Variants in GPC6 observed in about 807,000 individuals in gnomAD.
GPC6 encodes the protein glypican-6.
GPC6 carries 14 observed loss-of-function variants against 55.2 expected under a neutral mutation model. That is an observed-to-expected ratio of 0.25 (90% CI 0.17 to 0.40). The LOEUF (loss-of-function observed/expected upper bound fraction) is 0.40, where lower values mean the gene tolerates loss of function less well. Ranked by LOEUF, GPC6 falls within the 10% of genes least tolerant of loss-of-function variation. GPC6 has a pLI of 1.00. For synonymous variants in GPC6, 278 were observed against 259.6 expected, an observed-to-expected ratio of 1.07 and a Z score of -0.68; for missense variants, 641 against 708.5, an observed-to-expected ratio of 0.90 and a Z score of 1.08.
At chr13:94,030,066 G>A (rs1176864544) in intron 4 of GPC6, among the ~76,000 whole-genome samples, 2 of 149,724 alleles carry the variant, frequency 1.3e-5, no homozygotes, top group African/African-American at 4.9e-5. Flanking sequence ...GCGATGGCAC[G>A]ATCTCGGCTC....
chr13:93,729,046 A>G (rs988141059), intron 2 of GPC6, among the ~76,000 whole-genome samples: 2 of 152,206 alleles, frequency 1.3e-5, no homozygotes, highest in Non-Finnish European at 2.9e-5. Context: ...TATTAGTAGA[A>G]TAAAAATAAT....
intron 3 of GPC6, among the ~76,000 whole-genome samples, chr13:93,890,748 A>G (rs1478032212): frequency 9.5e-6 from 1 of 105,240 alleles, no homozygotes; most frequent in African/African-American, 3.7e-5. Context: ...AGAAAGTTAT[A>G]TTTTTCTGGG....
In GPC6 at chr13:93,925,640, C is replaced by G. The variant is rs150908875; in HGVS notation, c.711+95095C>G. On this transcript the variant is annotated intron_variant, in intron 3 of 8. Transcript: ENST00000377047. ...TGCTGTGTAACAAACTATCCCAAAACTTTGTGGCATAAGACAACAACCATA... is the reference window on the plus strand; with the variant it reads ...TGCTGTGTAACAAACTATCCCAAAAGTTTGTGGCATAAGACAACAACCATA... Among the ~76,000 whole-genome samples, 287 of 152,248 alleles carry G rather than the reference C, an allele frequency of 1.9e-3. 2 individuals carry two copies. The highest frequency in any genetic ancestry group is 0.015 in the Admixed American group (232 of 15,290).
chr13:93,551,036 A>G (rs1161007371), intron 2 of GPC6, among the ~76,000 whole-genome samples: 1 of 152,168 alleles, frequency 6.6e-6, no homozygotes, highest in Non-Finnish European at 1.5e-5. Context: ...TTTTCTATGT[A>G]GTGGCATCCA....
At chr13:94,256,322 T>A (rs1891502970) in intron 4 of GPC6, among the ~76,000 whole-genome samples, 1 of 151,966 alleles carries the variant, frequency 6.6e-6, no homozygotes, top group Non-Finnish European at 1.5e-5. Context: ...TTCTGAAAAA[T>A]GGGCTGGAGC....
At position 94,376,780 on chromosome 13, in the gene GPC6, C is replaced by G. The variant is rs1198968305; in HGVS notation, c.1153-5634C>G. Among the ~76,000 whole-genome samples, 3 of 152,194 alleles carry G rather than the reference C, an allele frequency of 2.0e-5. No homozygotes were observed. In the East Asian group the frequency reaches 5.8e-4, roughly 29 times the overall value. On this transcript the variant is annotated intron_variant, in intron 6 of 8. Transcript: ENST00000377047. ...CAAAAGAACAAAGCTGGAGACATCA[C>G]ACTACCTGACTTCAAACTATACTAC...
At chr13:94,231,527 G>A (rs1005774108) in intron 4 of GPC6, among the ~76,000 whole-genome samples, 10 of 152,080 alleles carry the variant, frequency 6.6e-5, no homozygotes, top group Non-Finnish European at 1.2e-4. Context: ...GATACAAAGG[G>A]CAACTTAAAA....
At chr13:93,225,488 T>G (rs1221411573), upstream of GPC6, among the ~76,000 whole-genome samples, 3 of 1,404 alleles carry the variant, frequency 2.1e-3, no homozygotes, top group Admixed American at 0.024. Context: ...GCTATGGAGT[T>G]TTTTTTTTTG....
chr13:93,314,435 A>T (rs1412284127), intron 1 of GPC6, among the ~76,000 whole-genome samples: 1 of 152,146 alleles, frequency 6.6e-6, no homozygotes, highest in South Asian at 2.1e-4. Flanking sequence ...TTAGGAACAG[A>T]TGACCAGGTT....
chr13:93,271,287 C>T (rs1052359969), intron 1 of GPC6, among the ~76,000 whole-genome samples: 9 of 152,270 alleles, frequency 5.9e-5, no homozygotes, highest in South Asian at 2.1e-4. Flanking sequence ...AACTCAACTA[C>T]GTTACAAAAC....
At chr13:94,374,632 G>A (rs1879748596) in intron 6 of GPC6, among the ~76,000 whole-genome samples, 1 of 151,106 alleles carries the variant, frequency 6.6e-6, no homozygotes. Flanking sequence ...ACACCCCACT[G>A]TCAACATTAG....
intron 2 of GPC6, among the ~76,000 whole-genome samples, chr13:93,549,983 G>A (rs1875052678): frequency 6.6e-6 from 1 of 152,076 alleles, no homozygotes; most frequent in Admixed American, 6.6e-5. Context: ...GGATACTGTT[G>A]AAAAATTATT....
At chr13:93,674,532 A>G (rs1209226332) in intron 2 of GPC6, among the ~76,000 whole-genome samples, 2 of 152,228 alleles carry the variant, frequency 1.3e-5, no homozygotes, top group African/African-American at 4.8e-5. Context: ...GGGACACTAA[A>G]TTGAAACCAT....
chr13:94,018,082 A>G (rs902442380), intron 3 of GPC6, among the ~76,000 whole-genome samples: 5 of 152,162 alleles, frequency 3.3e-5, no homozygotes, highest in Non-Finnish European at 7.4e-5. Context: ...TATCATGTTT[A>G]GAGAATTCCC....
Position 93,550,555 on chromosome 13 carries a change from G to A in GPC6, c.319+5134G>A, listed in dbSNP as rs1474182433. Among the ~76,000 whole-genome samples the A allele has an allele frequency of 2.0e-5, 3 of 152,136 alleles. No individual in the cohort carries two copies. In the East Asian group the frequency reaches 5.8e-4, roughly 29 times the overall value. Reference sequence around the variant, plus strand: ...CTGCAGACTACCCATTGAACTGGATGCAGAAATAATTTATATACAATGACA... The same window carrying A: ...CTGCAGACTACCCATTGAACTGGATACAGAAATAATTTATATACAATGACA... On this transcript the variant is annotated intron_variant, in intron 2 of 8. Coordinates refer to ENST00000377047, the MANE Select transcript of GPC6 (RefSeq NM_005708.5).
chr13:93,423,845 C>T (rs1877019088), intron 1 of GPC6, among the ~76,000 whole-genome samples: 1 of 151,934 alleles, frequency 6.6e-6, no homozygotes, highest in South Asian at 2.1e-4. Flanking sequence ...ATAGAGATGG[C>T]TAATGGCAAA....
intron 2 of GPC6, among the ~76,000 whole-genome samples, chr13:93,555,559 G>A (rs1248300388): frequency 1.3e-5 from 2 of 152,150 alleles, no homozygotes; most frequent in African/African-American, 4.8e-5. Flanking sequence ...GAATTCATAT[G>A]TGATATCAGC....
chr13:93,612,956 T>TA (rs1878549024), intron 2 of GPC6, among the ~76,000 whole-genome samples: 1 of 152,164 alleles, frequency 6.6e-6, no homozygotes, highest in South Asian at 2.1e-4. Context: ...TACAGACCTT[T>TA]AAATGACTGT....
intron 1 of GPC6, among the ~76,000 whole-genome samples, chr13:93,258,456 A>G (rs1449220402): frequency 6.6e-6 from 1 of 151,956 alleles, no homozygotes; most frequent in African/African-American, 2.4e-5. Flanking sequence ...TGGTGGTTTG[A>G]TCTTGGCTGT....
Sources: gnomAD v4.1 joint callset for allele counts (sites outside exome capture counted in the v4.1 genomes callset) on GRCh38, gnomAD v4.1.1 for gene constraint, MANE v1.5 for transcripts, NCBI Gene and HGNC (gene_info 2026-07-23, HGNC 2026-07-21) for gene names.